The following TLN2 variants were observed in gnomAD, a reference collection of about 807,000 sequenced individuals.
TLN2 encodes the protein talin-2.
A neutral mutation model predicts 294.7 loss-of-function variants in TLN2; 118 were observed. That is an observed-to-expected ratio of 0.40 (90% confidence interval 0.34 to 0.47). The LOEUF is 0.47. Ranked by LOEUF, TLN2 falls within the 20% of genes least tolerant of loss-of-function variation. The pLI, the probability that TLN2 is intolerant of heterozygous loss-of-function variation, is 0.84. For missense variants in TLN2, 3,083 were observed against 3,282.2 expected, an observed-to-expected ratio of 0.94 and a Z score of 1.48; for synonymous variants, 1,431 against 1,304.5, an observed-to-expected ratio of 1.10 and a Z score of -2.09.
intron 8 of TLN2, among the ~76,000 whole-genome samples, chr15:62,656,421 AT>A (rs1467068225): frequency 1.3e-5 from 2 of 152,208 alleles, no homozygotes; most frequent in African/African-American, 2.4e-5. Flanking sequence ...CTTAGCTGGC[AT>A]CTTAGAATGC....
chr15:62,803,585 TAA>T (rs1223397417), intron 50 of TLN2, among the ~76,000 whole-genome samples: 2 of 152,252 alleles, frequency 1.3e-5, no homozygotes, highest in South Asian at 2.1e-4. Flanking sequence ...GTTCTGCCAT[TAA>T]AAGACGCTTA....
chr15:62,702,213 G>A lies in TLN2; in HGVS notation c.1905+13G>A, dbSNP rs747235929. On this transcript the variant is annotated intron_variant, in intron 18 of 58. Transcript: ENST00000636159. ...TACTTCTGGAGAGGTAAGCTCCAGA[G>A]GCAAGCAATCACTCAGGTTCTGATG... 2.7e-5 allele frequency: 43 copies of A among 1,571,280 alleles called. No homozygotes were observed. The highest frequency in any genetic ancestry group is 3.4e-5 in the Non-Finnish European group (39 of 1,156,688).
At chr15:62,596,370 A>G (rs1175347961) in intron 2 of TLN2, among the ~76,000 whole-genome samples, 1 of 152,088 alleles carries the variant, frequency 6.6e-6, no homozygotes, top group Admixed American at 6.5e-5. Context: ...TGATTTAGTC[A>G]TTCTATGATA....
chr15:62,632,305 AG>A, intron 3 of TLN2, among the ~76,000 whole-genome samples: 1 of 152,336 alleles, frequency 6.6e-6, no homozygotes, highest in African/African-American at 2.4e-5. Context: ...AAGGTCGAGA[AG>A]GCCCCAGAAT....
intron 1 of TLN2, among the ~76,000 whole-genome samples, chr15:62,431,343 C>T (rs2035000789): frequency 6.6e-6 from 1 of 152,096 alleles, no homozygotes; most frequent in Admixed American, 6.5e-5. Flanking sequence ...ATGAGAGCAG[C>T]ACAGCAGTAG....
chr15:62,470,288 CCAGA>C (rs1176686958), intron 1 of TLN2, among the ~76,000 whole-genome samples: 1 of 152,166 alleles, frequency 6.6e-6, no homozygotes, highest in Non-Finnish European at 1.5e-5. Context: ...GATGTTTAAC[CCAGA>C]CAGTCAACCG....
At chr15:62,811,427 G>A (rs1477479717) in intron 52 of TLN2, among the ~76,000 whole-genome samples, 1 of 152,212 alleles carries the variant, frequency 6.6e-6, no homozygotes, top group Admixed American at 6.5e-5. Flanking sequence ...GGAAATGGAG[G>A]TTAAAGACAG....
At chr15:62,717,829 G>A in intron 24 of TLN2, 140 bp downstream of exon 24, 3 of 546,742 alleles carry the variant, frequency 5.5e-6, no homozygotes, top group Non-Finnish European at 9.2e-6. Context: ...TGTTCCAGGT[G>A]TCTACACGTC....
chr15:62,784,097 G>T, intron 45 of TLN2: 1 of 793,700 alleles, frequency 1.3e-6, no homozygotes, highest in Non-Finnish European at 1.9e-6. Context: ...GGGCAGACTG[G>T]CCAAGAACTG....
At chr15:62,651,095 TAGAG>T (rs1313521939) in intron 5 of TLN2, among the ~76,000 whole-genome samples, 2 of 152,178 alleles carry the variant, frequency 1.3e-5, no homozygotes, top group Admixed American at 1.3e-4. Flanking sequence ...AGTAAAGACA[TAGAG>T]ATAGTAAAAA....
At position 62,761,387 on chromosome 15, in the gene TLN2, G is replaced by A. The variant is rs117879561; in HGVS notation, c.4639-294G>A. 3.3e-3 allele frequency among the ~76,000 whole-genome samples: 509 copies of A among 152,286 alleles called. 19 individuals are homozygous for A. In the East Asian group the frequency reaches 0.088, roughly 26 times the overall value. On this transcript the variant is annotated intron_variant, in intron 37 of 58. Transcript: ENST00000636159. ...AGTCTGGTGCAGGGGGTCACGGGGC[G>A]TTGAAGAGCAGGGTGCTGTTTAAAT...
At chr15:62,561,977 T>A (rs1298902442) in intron 1 of TLN2, among the ~76,000 whole-genome samples, 2 of 152,206 alleles carry the variant, frequency 1.3e-5, no homozygotes, top group Non-Finnish European at 2.9e-5. Flanking sequence ...ACGTTTTGAG[T>A]TGTTATCTCA....
chr15:62,572,287 C>CTGGA (rs1244819235), intron 1 of TLN2, among the ~76,000 whole-genome samples: 1 of 152,010 alleles, frequency 6.6e-6, no homozygotes, highest in African/African-American at 2.4e-5. Context: ...GTTACCCAGG[C>CTGGA]TGGAGTGCAG....
At chr15:62,490,859 A>C (rs750586558) in intron 1 of TLN2, among the ~76,000 whole-genome samples, 1 of 152,106 alleles carries the variant, frequency 6.6e-6, no homozygotes, top group Non-Finnish European at 1.5e-5. Context: ...CACCTTTAAC[A>C]CTGAACCCCC....
intron 45 of TLN2, among the ~76,000 whole-genome samples, chr15:62,790,270 T>C (rs928497974): frequency 1.3e-5 from 2 of 152,150 alleles, no homozygotes; most frequent in Non-Finnish European, 2.9e-5. Flanking sequence ...AAAGGAAGAG[T>C]ATACTAATAA....
intron 54 of TLN2, among the ~76,000 whole-genome samples, chr15:62,826,844 T>G (rs1003160630): frequency 6.6e-6 from 1 of 152,200 alleles, no homozygotes; most frequent in African/African-American, 2.4e-5. Flanking sequence ...TTAAATTAAA[T>G]GCAAAATGTT....
At chr15:62,568,313 C>T (rs1399352205) in intron 1 of TLN2, among the ~76,000 whole-genome samples, 3 of 152,088 alleles carry the variant, frequency 2.0e-5, no homozygotes, top group Admixed American at 1.3e-4. Flanking sequence ...CCATCGTGGC[C>T]CTGGTTTCAC....
chr15:62,493,568 C>T (rs2038861622), intron 1 of TLN2, among the ~76,000 whole-genome samples: 3 of 151,964 alleles, frequency 2.0e-5, no homozygotes, highest in African/African-American at 7.2e-5. Flanking sequence ...AGCTTTCACG[C>T]TCTCCCACGT....
At chr15:62,669,197 A>G (rs1368653269) in intron 9 of TLN2, among the ~76,000 whole-genome samples, 2 of 152,228 alleles carry the variant, frequency 1.3e-5, no homozygotes, top group Non-Finnish European at 2.9e-5. Context: ...TTTTACAACT[A>G]TTACCCTTAG....
Sources: gnomAD v4.1 joint callset for allele counts (sites outside exome capture counted in the v4.1 genomes callset) on GRCh38, gnomAD v4.1.1 for gene constraint, MANE v1.5 for transcripts, NCBI Gene and HGNC (gene_info 2026-07-23, HGNC 2026-07-21) for gene names.